OPHN1: variants seen among roughly 807,000 people sequenced by gnomAD.
The protein encoded by OPHN1 is oligophrenin-1.
In OPHN1, 11 loss-of-function variants were observed where a neutral mutation model predicts 60.7. That is an observed-to-expected ratio of 0.18 (90% confidence interval 0.11 to 0.30). The LOEUF (loss-of-function observed/expected upper bound fraction) is 0.30. Ranked by LOEUF, OPHN1 falls within the 10% of genes least tolerant of loss-of-function variation. The pLI is 1.00. For synonymous variants in OPHN1, 226 were observed against 222.6 expected, an observed-to-expected ratio of 1.02 and a Z score of -0.14; for missense variants, 449 against 611.0, an observed-to-expected ratio of 0.73 and a Z score of 2.80.
chrX:68,056,302 C>A (rs143074547), intron 21 of OPHN1, among the ~76,000 whole-genome samples: 2 of 111,133 alleles, frequency 1.8e-5, no homozygotes, highest in East Asian at 5.7e-4. Context: ...TCTCAACCCT[C>A]TGAACACCCT....
At chrX:68,197,489 G>A (rs1602228824) in intron 11 of OPHN1, among the ~76,000 whole-genome samples, 1 of 111,131 alleles carries the variant, frequency 9.0e-6, no homozygotes, top group Admixed American at 9.6e-5. Flanking sequence ...TGGTGGCCTT[G>A]TGCCCAGATC....
chrX:68,402,387 A>AAGAAG (rs60621715), intron 2 of OPHN1, among the ~76,000 whole-genome samples: 12 of 105,302 alleles, frequency 1.1e-4, no homozygotes, highest in Non-Finnish European at 2.0e-4. Flanking sequence ...AGAAGAGAGA[A>AAGAAG]AGAAGAGAAG....
intron 2 of OPHN1, among the ~76,000 whole-genome samples, chrX:68,411,613 GCTGT>G (rs2078770052): frequency 1.8e-5 from 2 of 111,742 alleles, no homozygotes; most frequent in East Asian, 2.8e-4. Context: ...TATTAATGAG[GCTGT>G]CTGTTTCCTG....
At chrX:68,094,593 A>C (rs1422361304) in intron 19 of OPHN1, among the ~76,000 whole-genome samples, 1 of 111,211 alleles carries the variant, frequency 9.0e-6, no homozygotes, top group Non-Finnish European at 1.9e-5. Flanking sequence ...GACTTCCTTC[A>C]TATTCTCCAC....
intron 15 of OPHN1, among the ~76,000 whole-genome samples, chrX:68,178,110 A>G (rs1460979970): frequency 8.9e-6 from 1 of 111,960 alleles, no homozygotes; most frequent in Admixed American, 9.5e-5. Flanking sequence ...TTGTTTTCCT[A>G]TGGCAGCATT....
At chrX:68,080,156 G>A (rs1447638438) in intron 19 of OPHN1, among the ~76,000 whole-genome samples, 2 of 112,057 alleles carry the variant, frequency 1.8e-5, no homozygotes, top group African/African-American at 6.5e-5. Flanking sequence ...AAATTCCTTA[G>A]TTAGCACACA....
intron 15 of OPHN1, among the ~76,000 whole-genome samples, chrX:68,168,075 T>C (rs2077368376): frequency 9.0e-6 from 1 of 110,600 alleles, no homozygotes; most frequent in African/African-American, 3.3e-5. Context: ...CACCCCACTG[T>C]CAACATTAGA....
At chrX:68,132,094 TTCAG>T (rs201802356) in intron 15 of OPHN1, among the ~76,000 whole-genome samples, 1,652 of 112,169 alleles carry the variant, frequency 0.015, 34 homozygotes, top group African/African-American at 0.051. Flanking sequence ...TTTTTGCCCA[TTCAG>T]TCTGATATTG....
At chrX:68,360,278 A>C (rs2078465446) in intron 2 of OPHN1, among the ~76,000 whole-genome samples, 1 of 110,646 alleles carries the variant, frequency 9.0e-6, no homozygotes, top group African/African-American at 3.3e-5. Context: ...TCCTGCGTTC[A>C]AGTGATCCTC....
intron 2 of OPHN1, among the ~76,000 whole-genome samples, chrX:68,350,240 T>C (rs2147702320): frequency 9.0e-6 from 1 of 111,485 alleles, no homozygotes; most frequent in Admixed American, 9.6e-5. Flanking sequence ...ATCTATTATG[T>C]ATCAACAAAA....
At chrX:68,259,020 A>G (rs1375314899) in intron 5 of OPHN1, among the ~76,000 whole-genome samples, 1 of 112,252 alleles carries the variant, frequency 8.9e-6, no homozygotes, top group Non-Finnish European at 1.9e-5. Flanking sequence ...GTAAAAATGC[A>G]TAGATTCTAC....
chrX:68,143,612 T>A (rs2077252176), intron 15 of OPHN1, among the ~76,000 whole-genome samples: 1 of 111,081 alleles, frequency 9.0e-6, no homozygotes, highest in Admixed American at 9.6e-5. Context: ...CTTCTGGGGG[T>A]CTAGCATTTT....
intron 5 of OPHN1, among the ~76,000 whole-genome samples, chrX:68,270,641 T>C (rs1226004685): frequency 9.6e-6 from 1 of 104,505 alleles, no homozygotes; most frequent in African/African-American, 3.5e-5. Context: ...CTAATGTAAA[T>C]GACGAGTTAA....
chrX:68,218,549 A>C (rs982952622), intron 6 of OPHN1, among the ~76,000 whole-genome samples: 1 of 110,648 alleles, frequency 9.0e-6, no homozygotes, highest in Non-Finnish European at 1.9e-5. Context: ...GTTACCCTCA[A>C]AGGGAAGCCC....
chrX:68,360,060 A>G (rs1005555830), intron 2 of OPHN1, among the ~76,000 whole-genome samples: 21 of 110,794 alleles, frequency 1.9e-4, no homozygotes, highest in Non-Finnish European at 3.8e-5. Context: ...GGATTAAATA[A>G]GTTAATATGT....
intron 2 of OPHN1, among the ~76,000 whole-genome samples, chrX:68,313,692 T>A (rs1463382195): frequency 1.8e-5 from 2 of 111,657 alleles, no homozygotes; most frequent in African/African-American, 6.5e-5. Flanking sequence ...TACCAGAAGC[T>A]GACAAGGGTA....
intron 2 of OPHN1, among the ~76,000 whole-genome samples, chrX:68,404,164 C>CTT (rs778696367): frequency 5.0e-5 from 5 of 100,922 alleles, no homozygotes; most frequent in Admixed American, 1.1e-4. Context: ...TTCCTAAAAA[C>CTT]TTTTTTTTTT....
chrX:68,374,124 A>G (rs897281572), intron 2 of OPHN1, among the ~76,000 whole-genome samples: 10 of 110,647 alleles, frequency 9.0e-5, no homozygotes, highest in East Asian at 2.9e-4. Flanking sequence ...TTGGGAGGCC[A>G]AGGCGGGCGG....
chrX:68,106,597 G>C lies in OPHN1; in HGVS notation c.1526+5257C>G, dbSNP rs1443590294. Among the ~76,000 whole-genome samples, 42 of 111,750 alleles carry C rather than the reference G, an allele frequency of 3.8e-4. 1 individual carries two copies. In the Admixed American group the frequency reaches 4.0e-3, roughly 11 times the overall value. Reference sequence around the variant, plus strand: ...CACTGGTAGTAAGATTGCCAGGGAGGTGGCCTTAGAGTTCTCCTACTTCTG... The same window carrying C: ...CACTGGTAGTAAGATTGCCAGGGAGCTGGCCTTAGAGTTCTCCTACTTCTG... On this transcript the variant is annotated intron_variant, in intron 18 of 24. Coordinates refer to ENST00000355520, the MANE Select transcript of OPHN1 (RefSeq NM_002547.3).
Sources: gnomAD v4.1 joint callset for allele counts (sites outside exome capture counted in the v4.1 genomes callset) on GRCh38, gnomAD v4.1.1 for gene constraint, MANE v1.5 for transcripts, NCBI Gene and HGNC (gene_info 2026-07-23, HGNC 2026-07-21) for gene names.